Variants in ZNF585B observed in about 807,000 individuals in gnomAD.
The protein encoded by ZNF585B is zinc finger protein 585B.
A neutral mutation model predicts 14.0 loss-of-function variants in ZNF585B; 7 were observed. That is an observed-to-expected ratio of 0.50 (90% CI 0.28 to 0.94). The LOEUF (loss-of-function observed/expected upper bound fraction) is 0.94. Ranked by LOEUF, ZNF585B falls within the 40% of genes least tolerant of loss-of-function variation. The probability of loss-of-function intolerance (pLI) is 0.09; values close to 1 mark genes in which losing one functional copy is unlikely to be tolerated. For synonymous variants in ZNF585B, 290 were observed against 317.3 expected (o/e 0.91, Z 0.91); for missense variants, 750 against 924.4 (o/e 0.81, Z 2.45).
chr19:37,204,825 C>A (rs1018696437), intron 2 of ZNF585B, among the ~76,000 whole-genome samples: 6 of 151,852 alleles, frequency 4.0e-5, no homozygotes, highest in African/African-American at 1.5e-4. Context: ...CAGCTCCCTG[C>A]AACCTCTGCC....
intron 2 of ZNF585B, among the ~76,000 whole-genome samples, chr19:37,197,501 C>T (rs149255640): frequency 0.017 from 2,577 of 152,194 alleles, 65 homozygotes; most frequent in African/African-American, 0.058. Flanking sequence ...TACCCAGTAA[C>T]GGGATTGCTG....
chr19:37,207,070 C>T lies in ZNF585B; in HGVS notation c.42G>A (p.Leu14=), dbSNP rs778576870. The T allele has an allele frequency of 6.2e-7, 1 of 1,614,134 alleles. No homozygotes were observed. Among genetic ancestry groups the T allele is most frequent in the East Asian group, 2.2e-5 (1 of 44,872 alleles). The change falls in exon 2 of 5, where the codon CTG becomes CTA. Residue 14 remains leucine, a synonymous_variant. Coordinates refer to ENST00000532828, the MANE Select transcript of ZNF585B (RefSeq NM_152279.4). ...SWTSPQKSSA[L]APEDHGSSYE... ...AGGAGCTGCCATGATCCTCTGGAGC[C>T]AGGGCTGAGGATTTCTGGGGTGAGG...
intron 2 of ZNF585B, among the ~76,000 whole-genome samples, chr19:37,195,073 T>C (rs2145437651): frequency 6.6e-6 from 1 of 151,874 alleles, no homozygotes; most frequent in African/African-American, 2.4e-5. Context: ...TGGCCGGGCA[T>C]GATGGCTCAG....
Position 37,184,422 on chromosome 19 carries a change from GA to G in ZNF585B, c.*804del, listed in dbSNP as rs1422099645. 1.3e-4 allele frequency: 10 copies of G among 74,922 alleles called. No homozygotes were observed. The highest frequency in any genetic ancestry group is 1.0e-3 in the East Asian group (3 of 2,976). 4.6% of individuals were successfully genotyped at this position (74,922 alleles called of 1,614,324 possible). ...AAAGAAAGAAAGAAAGAAAGAGAAA[GA>G]AAGAAAAAGAAAGAAAGAAGGAAAG... is the stretch of plus-strand genomic sequence containing the variant. On this transcript the variant is annotated 3_prime_UTR_variant, in exon 5 of 5. Coordinates refer to ENST00000532828, the MANE Select transcript of ZNF585B (RefSeq NM_152279.4).
intron 2 of ZNF585B, chr19:37,199,631 A>T (rs1055581789): frequency 4.8e-6 from 1 of 210,472 alleles, no homozygotes; most frequent in Non-Finnish European, 9.2e-6. Context: ...AGGATAAAAC[A>T]AAAATAGAGA....
chr19:37,184,670 C>T lies in ZNF585B; in HGVS notation c.*557G>A, dbSNP rs1972311668. On this transcript the variant is annotated 3_prime_UTR_variant, in exon 5 of 5. Transcript: ENST00000532828. ...ACGCTCTGAGGTCTGTGTCTGAATACACAGGGAGTTTGTCTTATTGCAGTA... is the reference window on the plus strand; with the variant it reads ...ACGCTCTGAGGTCTGTGTCTGAATATACAGGGAGTTTGTCTTATTGCAGTA... 9.6e-6 allele frequency: 2 copies of T among 208,958 alleles called. No individual in the cohort carries two copies. The highest frequency in any genetic ancestry group is 2.3e-5 in the African/African-American group (1 of 43,722). 12.9% of individuals were successfully genotyped at this position (208,958 alleles called of 1,614,324 possible). A position where few individuals can be genotyped will look rare whatever the true frequency, so the allele number is the denominator to read the frequency against.
intron 2 of ZNF585B, among the ~76,000 whole-genome samples, chr19:37,204,617 C>T (rs1050269121): frequency 6.6e-6 from 1 of 152,192 alleles, no homozygotes; most frequent in African/African-American, 2.4e-5. Context: ...CTCTTTCATC[C>T]AGGCTGGAGT....
chr19:37,199,353 T>C (rs751869763), intron 2 of ZNF585B: 7 of 356,318 alleles, frequency 2.0e-5, no homozygotes, highest in Non-Finnish European at 3.3e-5. Flanking sequence ...ATGGTGAAAC[T>C]GTCTCTACAA....
rs769313126 is a variant in ZNF585B, at chr19:37,184,410, AAG to A, written c.*815_*816del. The A allele has an allele frequency of 8.0e-5, 4 of 49,758 alleles. No individual in the cohort carries two copies. Among genetic ancestry groups the A allele is most frequent in the Non-Finnish European group, 1.6e-4 (4 of 24,612 alleles). The allele number at this position is 49,758 out of a possible 1,614,324, so 3.1% of individuals were successfully genotyped here. A position where few individuals can be genotyped will look rare whatever the true frequency, so the allele number is the denominator to read the frequency against. ...AAAGAAAGAAAGAAAGAAAGAAAGA[AAG>A]AAAGAGAAAGAAAGAAAAAGAAAGA... On this transcript the variant is annotated 3_prime_UTR_variant, in exon 5 of 5. Transcript: ENST00000532828.
Position 37,199,104 on chromosome 19 carries a change from T to TAGTC in ZNF585B, c.72+7932_72+7935dup, listed in dbSNP as rs1376388137. The TAGTC allele has an allele frequency of 4.9e-6, 5 of 1,023,024 alleles. No individual in the cohort carries two copies. In the African/African-American group the frequency reaches 8.0e-5, roughly 16 times the overall value. The allele number at this position is 1,023,024 out of a possible 1,614,324, so 63.4% of individuals were successfully genotyped here. A position where few individuals can be genotyped will look rare whatever the true frequency, so the allele number is the denominator to read the frequency against. On this transcript the variant is annotated intron_variant, in intron 2 of 4. Transcript: ENST00000532828. ...TTTTTCTCTTTATCATACACTTGTA[T>TAGTC]AGTCACACCCTACACACACCAAACT... is the stretch of plus-strand genomic sequence containing the variant.
rs1972293442 is a variant in ZNF585B at position 37,184,319 on chromosome 19, C to T, written c.*908G>A. ...AGTGAGCCAAGATAGCGCCACTGCA[C>T]TCTAGCTTGCCCGACAGAGCAAGAC... On this transcript the variant is annotated 3_prime_UTR_variant, in exon 5 of 5. Coordinates refer to ENST00000532828, the MANE Select transcript of ZNF585B (RefSeq NM_152279.4). The T allele has an allele frequency of 6.7e-6, 1 of 148,704 alleles. No homozygotes were observed. Among genetic ancestry groups the T allele is most frequent in the South Asian group, 2.1e-4 (1 of 4,730 alleles). The allele number at this position is 148,704 out of a possible 1,614,324, so 9.2% of individuals were successfully genotyped here.
At position 37,185,200 on chromosome 19, in the gene ZNF585B, CA is replaced by C. The variant is rs532916604; in HGVS notation, c.*26del. ...ACAGTGTACAATCAGACCCAACCCT[CA>C]GGGGGGTTTTCTCACACTGTTTCTC... On this transcript the variant is annotated 3_prime_UTR_variant, in exon 5 of 5. Transcript: ENST00000532828. 2,475 of 1,584,956 alleles carry C rather than the reference CA, an allele frequency of 1.6e-3. 2 individuals are homozygous for C. Among genetic ancestry groups the C allele is most frequent in the Admixed American group, 2.6e-3 (149 of 57,942 alleles).
At chr19:37,207,723 T>C (rs1301764097) in intron 1 of ZNF585B, among the ~76,000 whole-genome samples, 1 of 152,206 alleles carries the variant, frequency 6.6e-6, no homozygotes, top group Non-Finnish European at 1.5e-5. Context: ...AAGTACTCAA[T>C]GCCTCCCTGC....
chr19:37,199,019 C>T, intron 2 of ZNF585B: 1 of 1,530,416 alleles, frequency 6.5e-7, no homozygotes, highest in South Asian at 1.2e-5. Context: ...TTATAGGGCT[C>T]AGAACATCAT....
In ZNF585B at chr19:37,209,200, G is replaced by A. The variant is rs548451368; in HGVS notation, c.-144+1241C>T. ...GCTCACTGCGACCTCCGCCTCCCAG[G>A]TTCAAGTGATTCTTCTGCCTCAGCC... is the stretch of plus-strand genomic sequence containing the variant. On this transcript the variant is annotated intron_variant, in intron 1 of 4. Transcript: ENST00000532828. 1.9e-3 allele frequency among the ~76,000 whole-genome samples: 284 copies of A among 152,186 alleles called. 1 individual carries two copies. The highest frequency in any genetic ancestry group is 3.4e-3 in the Non-Finnish European group (233 of 68,004).
intron 2 of ZNF585B, among the ~76,000 whole-genome samples, chr19:37,191,222 G>A (rs1017377969): frequency 6.6e-6 from 1 of 152,136 alleles, no homozygotes; most frequent in Admixed American, 6.5e-5. Context: ...GTATACACCT[G>A]AGTGATAAGA....
At chr19:37,204,753 T>C (rs2145445686) in intron 2 of ZNF585B, among the ~76,000 whole-genome samples, 1 of 150,198 alleles carries the variant, frequency 6.7e-6, no homozygotes, top group Non-Finnish European at 1.5e-5. Context: ...TGTTTTTCTT[T>C]TTTTTTTTTT....
Position 37,181,963 on chromosome 19 carries a change from A to C in ZNF585B, c.*3264T>G, listed in dbSNP as rs1017406862. ...GTCTCAACCCACAGAATGCACATCA[A>C]GACTGAACCCTAATTAAACCATGGA... On this transcript the variant is annotated 3_prime_UTR_variant, in exon 5 of 5. Coordinates refer to ENST00000532828, the MANE Select transcript of ZNF585B (RefSeq NM_152279.4). 12 of 152,188 alleles carry C rather than the reference A, an allele frequency of 7.9e-5. No homozygotes were observed. Among genetic ancestry groups the C allele is most frequent in the African/African-American group, 2.9e-4 (12 of 41,450 alleles). 9.4% of individuals were successfully genotyped at this position (152,188 alleles called of 1,614,324 possible). A position where few individuals can be genotyped will look rare whatever the true frequency, so the allele number is the denominator to read the frequency against.
chr19:37,203,740 T>C (rs1366683599), intron 2 of ZNF585B, among the ~76,000 whole-genome samples: 1 of 152,152 alleles, frequency 6.6e-6, no homozygotes, highest in African/African-American at 2.4e-5. Flanking sequence ...GCAATTCTCC[T>C]GCCTCAGCCT....
Sources: allele counts gnomAD v4.1 joint callset (sites outside exome capture counted in the v4.1 genomes callset), GRCh38; gene constraint gnomAD v4.1.1; transcripts MANE v1.5; gene names NCBI Gene and HGNC (gene_info 2026-07-23, HGNC 2026-07-21).